The following NCKAP1L variants were observed in gnomAD, a reference collection of about 807,000 sequenced individuals.
The protein encoded by NCKAP1L is NCK associated protein 1 like.
In NCKAP1L, 53 loss-of-function variants were observed where a neutral mutation model predicts 139.2. That is an observed-to-expected ratio of 0.38 (90% CI 0.31 to 0.48). The LOEUF is 0.48. Among genes scored for constraint, NCKAP1L ranks in the 20% least tolerant of loss-of-function variants. The pLI is 0.98. For missense variants in NCKAP1L, 1,151 were observed against 1,381.9 expected (o/e 0.83, Z 2.65); for synonymous variants, 468 against 499.7 (o/e 0.94, Z 0.85).
Position 54,542,726 on chromosome 12 carries a change from T to TAA in NCKAP1L, c.*43_*44dup. On this transcript the variant is annotated 3_prime_UTR_variant, in exon 31 of 31. Transcript: ENST00000293373. Reference sequence around the variant, plus strand: ...CACTGAAGAGCCCTTTGGACCTTCCTAAACCCTTGCCATAGTGGAAGCTGT... The same window carrying TAA: ...CACTGAAGAGCCCTTTGGACCTTCCTAAAAACCCTTGCCATAGTGGAAGCTGT... The TAA allele has an allele frequency of 9.4e-7, 1 of 1,062,910 alleles. No homozygotes were observed. The highest frequency in any genetic ancestry group is 1.4e-6 in the Non-Finnish European group (1 of 740,564). 65.8% of individuals were successfully genotyped at this position (1,062,910 alleles called of 1,614,324 possible). A position where few individuals can be genotyped will look rare whatever the true frequency, so the allele number is the denominator to read the frequency against.
rs577882557 is a variant in NCKAP1L at position 54,518,076 on chromosome 12, C to T, written c.1338+138C>T. ...CCAATCTAGGCTGGGCGCGGTGGCT[C>T]ACGTCTGTAATCCAAGCACTTTGGG... On this transcript the variant is annotated intron_variant, in intron 13 of 30. Transcript: ENST00000293373. 45 of 982,678 alleles carry T rather than the reference C, an allele frequency of 4.6e-5. No individual in the cohort carries two copies. In the South Asian group the frequency reaches 6.4e-4, roughly 14 times the overall value. 60.9% of individuals were successfully genotyped at this position (982,678 alleles called of 1,614,324 possible).
intron 3 of NCKAP1L, among the ~76,000 whole-genome samples, chr12:54,506,790 A>ATATAT (rs1165268195): frequency 7.3e-5 from 2 of 27,550 alleles, no homozygotes; most frequent in African/African-American, 5.5e-4. Flanking sequence ...CATATTAAAA[A>ATATAT]AAAAAAATAT....
At chr12:54,520,852 G>A (rs1173090539) in intron 17 of NCKAP1L, 26 bp downstream of exon 17, 1 of 1,613,676 alleles carries the variant, frequency 6.2e-7, no homozygotes, top group East Asian at 2.2e-5. Flanking sequence ...TCCAGACCCT[G>A]TCATCTTTCT....
intron 20 of NCKAP1L, 23 bp from the exon 21 acceptor site, chr12:54,526,505 T>A (rs776727195): frequency 2.5e-6 from 2 of 787,028 alleles, no homozygotes; most frequent in East Asian, 4.1e-5. Flanking sequence ...GTAATTCTAA[T>A]TTTTTTTTTT....
chr12:54,518,235 A>G (rs1372438780), intron 13 of NCKAP1L, among the ~76,000 whole-genome samples: 1 of 152,014 alleles, frequency 6.6e-6, no homozygotes, highest in Non-Finnish European at 1.5e-5. Context: ...CCAGCTACTC[A>G]GGAGGCTGAG....
intron 19 of NCKAP1L, 139 bp from the exon 20 acceptor site, chr12:54,523,686 C>T (rs1187185652): frequency 4.9e-6 from 7 of 1,434,594 alleles, no homozygotes; most frequent in Non-Finnish European, 5.6e-6. Context: ...GAATTTCCTA[C>T]TTTGCCTTTG....
intron 10 of NCKAP1L, among the ~76,000 whole-genome samples, 188 bp from the exon 11 acceptor site, chr12:54,516,708 C>T (rs3825193): frequency 6.6e-6 from 1 of 151,942 alleles, no homozygotes. Context: ...GGCCTCCCAA[C>T]GTGCTGGAAT....
At chr12:54,512,302 A>C in intron 9 of NCKAP1L, 197 bp downstream of exon 9, 2 of 481,542 alleles carry the variant, frequency 4.2e-6, no homozygotes, top group Non-Finnish European at 7.2e-6. Flanking sequence ...ATAAGACAAC[A>C]TGGAGGTTAA....
At chr12:54,510,287 T>C (rs1268989847) in intron 7 of NCKAP1L, 4 of 489,722 alleles carry the variant, frequency 8.2e-6, no homozygotes, top group African/African-American at 5.9e-5. Flanking sequence ...TAGGCACCTA[T>C]TAAGCCTAGC....
intron 10 of NCKAP1L, 90 bp from the exon 11 acceptor site, chr12:54,516,806 C>T: frequency 8.8e-7 from 1 of 1,136,728 alleles, no homozygotes; most frequent in Non-Finnish European, 1.3e-6. Context: ...GCCTGATATC[C>T]CTTCCTAAAT....
chr12:54,546,974 A>G lies in NCKAP1L; in HGVS notation c.*4289A>G, dbSNP rs1390483149. ...TGCCAAAGCATCATTTTTGGTTTCT[A>G]TCAAACTCAAAGCTTGTTGGAAAGG... On this transcript the variant is annotated 3_prime_UTR_variant, in exon 31 of 31. Coordinates refer to ENST00000293373, the MANE Select transcript of NCKAP1L (RefSeq NM_005337.5). 2 of 152,124 alleles carry G rather than the reference A, an allele frequency of 1.3e-5. No homozygotes were observed. Among genetic ancestry groups the G allele is most frequent in the African/African-American group, 2.4e-5 (1 of 41,408 alleles). 9.4% of individuals were successfully genotyped at this position (152,124 alleles called of 1,614,324 possible).
chr12:54,504,794 A>G (rs1956827478), intron 3 of NCKAP1L, among the ~76,000 whole-genome samples: 1 of 152,252 alleles, frequency 6.6e-6, no homozygotes, highest in South Asian at 2.1e-4. Context: ...TGAGAATTAA[A>G]TGAGATAATG....
rs555850869 is a variant in NCKAP1L, at chr12:54,508,479, C to T, written c.454C>T (p.Arg152Trp). Residue 152 changes from arginine (R) to tryptophan (W), a missense_variant, in exon 5 of 31, where the codon CGG (arginine) becomes TGG (tryptophan). Transcript: ENST00000293373. Reference protein sequence around the residue: ...ILLLSRIEDRRILIGMYNCAH... With the variant: ...ILLLSRIEDRWILIGMYNCAH... ...ACTTCTGTCACGGATTGAAGATCGGCGGATACTCATTGGCATGTACAATTG... is the reference window on the plus strand; with the variant it reads ...ACTTCTGTCACGGATTGAAGATCGGTGGATACTCATTGGCATGTACAATTG... 11 of 1,614,104 alleles carry T rather than the reference C, an allele frequency of 6.8e-6. No individual in the cohort carries two copies. Among genetic ancestry groups the T allele is most frequent in the East Asian group, 2.2e-5 (1 of 44,880 alleles).
At position 54,517,611 on chromosome 12, in the gene NCKAP1L, A is replaced by G; in HGVS notation, c.1174A>G (p.Lys392Glu). 6.2e-7 allele frequency: 1 copy of G among 1,613,902 alleles called. No homozygotes were observed. Among genetic ancestry groups the G allele is most frequent in the Non-Finnish European group, 8.5e-7 (1 of 1,179,780 alleles). Reference protein sequence around the residue: ...WLVRHTENVTKTKTPEDYADS... With the variant: ...WLVRHTENVTETKTPEDYADS... Reference sequence around the variant, plus strand: ...GGTTCGCCACACAGAGAATGTCACCAAGACAAAGACACCTGAGGACTATGC... The same window carrying G: ...GGTTCGCCACACAGAGAATGTCACCGAGACAAAGACACCTGAGGACTATGC... The change falls in exon 12 of 31, where the codon AAG (lysine) becomes GAG (glutamate). Residue 392 changes from lysine (K) to glutamate (E), a missense_variant. By Grantham distance (56) the Lys-to-Glu change is moderately conservative. Transcript: ENST00000293373.
intron 3 of NCKAP1L, 91 bp downstream of exon 3, chr12:54,500,716 C>G (rs1488158477): frequency 1.2e-6 from 1 of 853,642 alleles, no homozygotes; most frequent in African/African-American, 1.7e-5. Flanking sequence ...AAAACAAGTT[C>G]TTGAAAAAAT....
chr12:54,505,654 T>C (rs1331641301), intron 3 of NCKAP1L, among the ~76,000 whole-genome samples: 1 of 119,812 alleles, frequency 8.3e-6, no homozygotes, highest in South Asian at 3.0e-4. Flanking sequence ...AGTGATTCAG[T>C]ACCCCGTCCT....
At chr12:54,506,796 A>AAAAAAAAAATAT in intron 3 of NCKAP1L, among the ~76,000 whole-genome samples, 150 of 50,606 alleles carry the variant, frequency 3.0e-3, no homozygotes, top group Middle Eastern at 0.011. Context: ...AAAAAAAAAA[A>AAAAAAAAAATAT]ATATATATAT....
chr12:54,509,747 G>A lies in NCKAP1L; in HGVS notation c.585G>A (p.Gly195=), dbSNP rs1305203015. The change falls in exon 6 of 31, where the codon GGG becomes GGA. Residue 195 remains glycine, a synonymous_variant. Coordinates refer to ENST00000293373, the MANE Select transcript of NCKAP1L (RefSeq NM_005337.5). ...TGAAGAAGCTGACAGAAGAGTTTGG[G>A]CCTCACACAAAGGCAAGTTCCCTGA... The part of the protein sequence containing the change: ...HPLKKLTEEF[G]PHTKAVSGAL... The A allele has an allele frequency of 1.2e-6, 2 of 1,614,172 alleles. No individual in the cohort carries two copies. The highest frequency in any genetic ancestry group is 2.2e-5 in the South Asian group (2 of 91,084).
chr12:54,516,603 G>A (rs1428293217), intron 10 of NCKAP1L, among the ~76,000 whole-genome samples: 2 of 151,742 alleles, frequency 1.3e-5, no homozygotes, highest in East Asian at 1.9e-4. Context: ...CCACCACCAC[G>A]CCCAGCTAAT....
Sources: gnomAD v4.1 joint callset for allele counts (sites outside exome capture counted in the v4.1 genomes callset) on GRCh38, gnomAD v4.1.1 for gene constraint, MANE v1.5 for transcripts, NCBI Gene and HGNC (gene_info 2026-07-23, HGNC 2026-07-21) for gene names.